Variants in SLA observed in about 807,000 individuals in gnomAD.
SLA encodes the protein Src like adaptor, also known as src-like-adapter.
SLA carries 16 observed loss-of-function variants against 30.3 expected under a neutral mutation model. That is an observed-to-expected ratio of 0.53 (90% confidence interval 0.36 to 0.80). The LOEUF (loss-of-function observed/expected upper bound fraction) is 0.80. Among genes scored for constraint, SLA ranks in the 30% least tolerant of loss-of-function variants. The probability of loss-of-function intolerance (pLI) is 0.01; values close to 1 mark genes in which losing one functional copy is unlikely to be tolerated. For missense variants in SLA, 310 were observed against 345.2 expected, an observed-to-expected ratio of 0.90 and a Z score of 0.81; for synonymous variants, 143 against 137.8, an observed-to-expected ratio of 1.04 and a Z score of -0.26.
At chr8:133,084,612 G>A (rs1434963185) in intron 1 of SLA, among the ~76,000 whole-genome samples, 1 of 152,194 alleles carries the variant, frequency 6.6e-6, no homozygotes, top group East Asian at 1.9e-4. Flanking sequence ...TGTAACAGAT[G>A]GAAAAAGGCA....
intron 3 of SLA, among the ~76,000 whole-genome samples, chr8:133,053,970 G>A (rs1042670722): frequency 6.6e-6 from 1 of 152,140 alleles, no homozygotes; most frequent in Non-Finnish European, 1.5e-5. Context: ...ATCACCATTA[G>A]CCAAACGGGA....
chr8:133,087,876 C>T (rs1846847046), intron 1 of SLA: 1 of 152,154 alleles, frequency 6.6e-6, no homozygotes, highest in African/African-American at 2.4e-5. Flanking sequence ...GAAATGAAAA[C>T]CTGGGGCCAG....
At chr8:133,091,753 T>C (rs1484686507) in intron 1 of SLA, among the ~76,000 whole-genome samples, 2 of 152,020 alleles carry the variant, frequency 1.3e-5, no homozygotes, top group East Asian at 1.9e-4. Flanking sequence ...TATATTTCTT[T>C]CTGTAGCTGG....
In SLA at chr8:133,047,912, G is replaced by A; in HGVS notation, c.270C>T (p.Gly90=). Residue 90 remains glycine, a synonymous_variant, in exon 6 of 9, where the codon GGC becomes GGT. Coordinates refer to ENST00000338087, the MANE Select transcript of SLA (RefSeq NM_001045556.3). ...GCAGCAGCTCCTCGGCCTTGTCTCT[G>A]CCCAGGCCCTCAAACAGCCAGCTGG... The part of the protein sequence containing the change: ...VYHGWLFEGL[G]RDKAEELLQL... The A allele has an allele frequency of 6.2e-7, 1 of 1,610,632 alleles. No individual in the cohort carries two copies. Among genetic ancestry groups the A allele is most frequent in the South Asian group, 1.1e-5 (1 of 90,914 alleles).
intron 6 of SLA, chr8:133,047,003 A>T (rs1284385971): frequency 2.0e-5 from 3 of 152,180 alleles, no homozygotes; most frequent in Non-Finnish European, 4.4e-5. Flanking sequence ...TGAATTTTAA[A>T]AAAGTTATTA....
Position 133,058,553 on chromosome 8 carries a change from G to A in SLA, c.61+1547C>T, listed in dbSNP as rs546073698. On this transcript the variant is annotated intron_variant, in intron 3 of 8. Transcript: ENST00000338087. ...TGACGACCCAAGATGGGTTCGGTGG[G>A]TGGGTGCCTCCCCAGCCTGCCTGGG... 6.8e-4 allele frequency among the ~76,000 whole-genome samples: 104 copies of A among 152,350 alleles called. 1 individual carries two copies. The highest frequency in any genetic ancestry group is 3.7e-3 in the South Asian group (18 of 4,832).
In SLA at chr8:133,062,107, C is replaced by T. The variant is rs74358960; in HGVS notation, c.-40-1907G>A. 4.5e-4 allele frequency among the ~76,000 whole-genome samples: 69 copies of T among 152,292 alleles called. 1 individual carries two copies. In the East Asian group the frequency reaches 8.1e-3, roughly 18 times the overall value. On this transcript the variant is annotated intron_variant, in intron 2 of 8. Transcript: ENST00000338087. ...AACGGGCAGCATGTTTAAAGTGAAG[C>T]GCAAATCCCATCCTTTTTGGATCCT...
chr8:133,081,624 GTC>G (rs1845764304), intron 1 of SLA, among the ~76,000 whole-genome samples: 1 of 152,314 alleles, frequency 6.6e-6, no homozygotes, highest in Admixed American at 6.5e-5. Flanking sequence ...CACCACAACT[GTC>G]TGCTGCGAAG....
chr8:133,100,131 T>C (rs1177457568), intron 1 of SLA, among the ~76,000 whole-genome samples: 3 of 152,238 alleles, frequency 2.0e-5, no homozygotes, highest in Non-Finnish European at 4.4e-5. Flanking sequence ...TTTATCCCTT[T>C]AGAGTTTCTC....
chr8:133,049,743 A>G (rs1013840412), intron 5 of SLA, 159 bp downstream of exon 5: 2 of 633,174 alleles, frequency 3.2e-6, no homozygotes, highest in Admixed American at 2.5e-5. Flanking sequence ...AGTTAGCCCA[A>G]GGTTGCTCCT....
chr8:133,051,323 C>T lies in SLA; in HGVS notation c.62-408G>A, dbSNP rs149970883. On this transcript the variant is annotated intron_variant, in intron 3 of 8. Transcript: ENST00000338087. ...AGATGAGAGTATGTTACACCACATA[C>T]GTTCACATAAGTTGCTGTAAAAACC... 2.2e-3 allele frequency among the ~76,000 whole-genome samples: 341 copies of T among 152,276 alleles called. 2 individuals carry two copies. Among genetic ancestry groups the T allele is most frequent in the African/African-American group, 7.8e-3 (326 of 41,550 alleles).
chr8:133,067,185 A>T (rs1388501680), intron 2 of SLA, among the ~76,000 whole-genome samples: 1 of 151,714 alleles, frequency 6.6e-6, no homozygotes, highest in Non-Finnish European at 1.5e-5. Flanking sequence ...TCACAGGTGC[A>T]CCTCTCTGAG....
chr8:133,070,131 A>G (rs548517519), intron 2 of SLA, among the ~76,000 whole-genome samples: 12 of 152,142 alleles, frequency 7.9e-5, no homozygotes, highest in Non-Finnish European at 1.5e-4. Flanking sequence ...CAAACAATCA[A>G]TGTTTCAGGG....
chr8:133,097,782 G>A (rs553272485), intron 1 of SLA, among the ~76,000 whole-genome samples: 1 of 152,186 alleles, frequency 6.6e-6, no homozygotes, highest in African/African-American at 2.4e-5. Context: ...ATACACACAT[G>A]CATAATGTGT....
intron 1 of SLA, among the ~76,000 whole-genome samples, chr8:133,092,977 A>C (rs936578102): frequency 4.4e-4 from 67 of 152,166 alleles, no homozygotes; most frequent in African/African-American, 1.5e-3. Flanking sequence ...GGCTTTTTAT[A>C]GCCGAAGGAA....
At chr8:133,068,599 A>C (rs1378622361) in intron 2 of SLA, among the ~76,000 whole-genome samples, 2 of 152,188 alleles carry the variant, frequency 1.3e-5, no homozygotes, top group African/African-American at 2.4e-5. Context: ...GATTGGCAAG[A>C]GGAGGTGTTG....
chr8:133,041,730 C>CTGA (rs1442312751), intron 7 of SLA, among the ~76,000 whole-genome samples: 58 of 151,286 alleles, frequency 3.8e-4, no homozygotes, highest in African/African-American at 1.3e-3. Context: ...GAGCCCAGCA[C>CTGA]TGAGCTAGCC....
At chr8:133,090,913 G>A (rs1847407883) in intron 1 of SLA, among the ~76,000 whole-genome samples, 1 of 152,112 alleles carries the variant, frequency 6.6e-6, no homozygotes, top group South Asian at 2.1e-4. Flanking sequence ...CCACAAGCAC[G>A]AGATGACACA....
chr8:133,057,182 G>A (rs879537712), intron 3 of SLA, among the ~76,000 whole-genome samples: 2,779 of 151,898 alleles, frequency 0.018, 97 homozygotes, highest in African/African-American at 0.063. Flanking sequence ...CTCTGTTGGT[G>A]CCTCTTCAGG....
Sources: gnomAD v4.1 joint callset for allele counts (sites outside exome capture counted in the v4.1 genomes callset) on GRCh38, gnomAD v4.1.1 for gene constraint, MANE v1.5 for transcripts, NCBI Gene and HGNC (gene_info 2026-07-23, HGNC 2026-07-21) for gene names.